WWOX: variants seen among roughly 807,000 people sequenced by gnomAD.
The protein encoded by WWOX is WW domain-containing oxidoreductase.
Under a neutral mutation model 46.2 loss-of-function variants are expected in WWOX, and 69 were observed. That is an observed-to-expected ratio of 1.49 (90% CI 1.23 to 1.82). WWOX has a LOEUF of 1.82. Ranked by LOEUF, WWOX falls within the 40% of genes most tolerant of loss-of-function variation. The probability of loss-of-function intolerance (pLI) is 0.00; values close to 1 mark genes in which losing one functional copy is unlikely to be tolerated. For missense variants in WWOX, 919 were observed against 542.6 expected, an observed-to-expected ratio of 1.69 and a Z score of -6.89; for synonymous variants, 359 against 202.6, an observed-to-expected ratio of 1.77 and a Z score of -6.56.
At chr16:78,625,966 C>T (rs1018800351) in intron 8 of WWOX, among the ~76,000 whole-genome samples, 1 of 150,890 alleles carries the variant, frequency 6.6e-6, no homozygotes, top group Non-Finnish European at 1.5e-5. Context: ...TTTGCCATTA[C>T]TTAAAAGTAA....
At chr16:78,547,202 G>T (rs181025028) in intron 8 of WWOX, among the ~76,000 whole-genome samples, 1 of 148,556 alleles carries the variant, frequency 6.7e-6, no homozygotes, top group South Asian at 2.2e-4. Flanking sequence ...TTCAACCCAC[G>T]GGGATAGGGT....
chr16:78,677,365 T>C (rs558094969), intron 8 of WWOX, among the ~76,000 whole-genome samples: 13 of 152,334 alleles, frequency 8.5e-5, no homozygotes, highest in African/African-American at 3.1e-4. Flanking sequence ...CTGAAAACAC[T>C]GTTTAAATAA....
intron 5 of WWOX, among the ~76,000 whole-genome samples, chr16:78,256,187 A>G (rs1163635186): frequency 6.7e-6 from 1 of 149,508 alleles, no homozygotes; most frequent in Non-Finnish European, 1.5e-5. Flanking sequence ...AACTCATTCA[A>G]GGCTACACAT....
At chr16:78,832,106 G>A (rs1378929929) in intron 8 of WWOX, among the ~76,000 whole-genome samples, 1 of 152,180 alleles carries the variant, frequency 6.6e-6, no homozygotes, top group Non-Finnish European at 1.5e-5. Context: ...GCTTAGCTGG[G>A]TGATTCTAGC....
intron 8 of WWOX, among the ~76,000 whole-genome samples, chr16:78,973,661 G>GT (rs2046515749): frequency 6.6e-6 from 1 of 152,148 alleles, no homozygotes; most frequent in Admixed American, 6.5e-5. Context: ...GCCTTGTCTG[G>GT]TTTTTCAAAG....
At chr16:78,990,978 C>T (rs2046876488) in intron 8 of WWOX, among the ~76,000 whole-genome samples, 1 of 152,212 alleles carries the variant, frequency 6.6e-6, no homozygotes, top group Non-Finnish European at 1.5e-5. Flanking sequence ...GACCAAAACC[C>T]TGGCAAGGAC....
intron 8 of WWOX, among the ~76,000 whole-genome samples, chr16:78,935,406 A>G (rs566208250): frequency 5.9e-5 from 9 of 152,302 alleles, no homozygotes; most frequent in African/African-American, 1.7e-4. Context: ...CATATACACC[A>G]TGGAATACTA....
At chr16:78,498,992 CTTTT>C (rs2084987750) in intron 8 of WWOX, among the ~76,000 whole-genome samples, 1 of 152,148 alleles carries the variant, frequency 6.6e-6, no homozygotes, top group Admixed American at 6.5e-5. Context: ...CTTCTGAAGG[CTTTT>C]TGTCTATGAA....
intron 8 of WWOX, among the ~76,000 whole-genome samples, chr16:78,751,761 G>C (rs1280031118): frequency 6.6e-6 from 1 of 151,012 alleles, no homozygotes; most frequent in African/African-American, 2.4e-5. Flanking sequence ...GAAGGAAGGA[G>C]GAAGGGAAGA....
chr16:79,058,118 A>AC (rs1433147137), intron 8 of WWOX, among the ~76,000 whole-genome samples: 36 of 43,984 alleles, frequency 8.2e-4, no homozygotes, highest in African/African-American at 1.1e-3. Flanking sequence ...AAAAAAAAAA[A>AC]AACAAACAAA....
At chr16:78,110,546 T>C (rs1345441473) in intron 3 of WWOX, among the ~76,000 whole-genome samples, 1 of 152,208 alleles carries the variant, frequency 6.6e-6, no homozygotes, top group African/African-American at 2.4e-5. Context: ...AAATTCCTGT[T>C]ATAGAGAACC....
At chr16:78,510,546 G>A (rs1483797848) in intron 8 of WWOX, among the ~76,000 whole-genome samples, 1 of 152,132 alleles carries the variant, frequency 6.6e-6, no homozygotes, top group Non-Finnish European at 1.5e-5. Flanking sequence ...AAAGTATCAA[G>A]CAATACTTAC....
chr16:78,528,944 T>TTTC (rs1398943439), intron 8 of WWOX, among the ~76,000 whole-genome samples: 15 of 137,612 alleles, frequency 1.1e-4, no homozygotes, highest in African/African-American at 4.7e-4. Flanking sequence ...TTTTCTTTTC[T>TTTC]TTTCTTTCTT....
intron 8 of WWOX, among the ~76,000 whole-genome samples, chr16:78,613,501 A>G (rs1474638771): frequency 6.6e-6 from 1 of 152,102 alleles, no homozygotes; most frequent in African/African-American, 2.4e-5. Context: ...CCCCCTTACA[A>G]GGGACATTTA....
chr16:78,647,156 C>T (rs1157428779), intron 8 of WWOX, among the ~76,000 whole-genome samples: 1 of 152,140 alleles, frequency 6.6e-6, no homozygotes, highest in Non-Finnish European at 1.5e-5. Context: ...TAGCTGGGGA[C>T]ATCCTTGAAT....
At position 78,431,404 on chromosome 16, in the gene WWOX, A is replaced by AC. The variant is rs1439503425; in HGVS notation, c.792-1083dup. 4.6e-5 allele frequency among the ~76,000 whole-genome samples: 7 copies of AC among 152,240 alleles called. No homozygotes were observed. The East Asian group carries it at 9.7e-4, about 21-fold the overall frequency. On this transcript the variant is annotated intron_variant, in intron 7 of 8. Transcript: ENST00000566780. Reference sequence around the variant, plus strand: ...AGAAAAGAGTCTTGGAGACAACAAGACTCATCTATAATTTCTTGGATGCTC... The same window carrying AC: ...AGAAAAGAGTCTTGGAGACAACAAGACCTCATCTATAATTTCTTGGATGCTC...
chr16:78,477,909 A>G (rs905358566), intron 8 of WWOX, among the ~76,000 whole-genome samples: 1 of 152,202 alleles, frequency 6.6e-6, no homozygotes, highest in Non-Finnish European at 1.5e-5. Flanking sequence ...ATGGAAAAAG[A>G]TATTCTGGTT....
At chr16:79,084,477 G>A (rs1051585000) in intron 8 of WWOX, among the ~76,000 whole-genome samples, 2 of 152,158 alleles carry the variant, frequency 1.3e-5, no homozygotes, top group African/African-American at 4.8e-5. Context: ...GTAGAGTGCA[G>A]TGGTACAGTC....
At chr16:78,470,141 G>A (rs2247102) in intron 8 of WWOX, among the ~76,000 whole-genome samples, 21,392 of 152,164 alleles carry the variant, frequency 0.14, 2,988 homozygotes, top group African/African-American at 0.36. Context: ...TGGCTCAGCC[G>A]TCTGACACAT....
Sources: allele counts gnomAD v4.1 joint callset (sites outside exome capture counted in the v4.1 genomes callset), GRCh38; gene constraint gnomAD v4.1.1; transcripts MANE v1.5; gene names NCBI Gene and HGNC (gene_info 2026-07-23, HGNC 2026-07-21).